Variants in RFTN2 observed in about 807,000 individuals in gnomAD.
RFTN2 encodes raftlin family member 2, also known as raftlin-2.
RFTN2 carries 34 observed loss-of-function variants against 52.7 expected under a neutral mutation model. The observed-to-expected ratio is 0.64, with a 90% CI of 0.49 to 0.86. The LOEUF is 0.86. Ranked by LOEUF, RFTN2 falls within the 40% of genes least tolerant of loss-of-function variation. The pLI, the probability that RFTN2 is intolerant of heterozygous loss-of-function variation, is 0.00. For missense variants in RFTN2, 536 were observed against 600.1 expected (o/e 0.89, Z 1.12); for synonymous variants, 203 against 217.7 (o/e 0.93, Z 0.59).
Position 197,665,517 on chromosome 2 carries a change from C to CTTTTT in RFTN2, c.139+9798_139+9802dup. Reference sequence around the variant, plus strand: ...ATTCCTTTATCATTATGTACCTTGCCTTTTTTTTTTTTTTTTACTGTTTTC... The same window carrying CTTTTT: ...ATTCCTTTATCATTATGTACCTTGCCTTTTTTTTTTTTTTTTTTTTTACTGTTTTC... On this transcript the variant is annotated intron_variant, in intron 1 of 8. Transcript: ENST00000295049. 4.3e-4 allele frequency among the ~76,000 whole-genome samples: 18 copies of CTTTTT among 41,504 alleles called. 1 individual carries two copies. The highest frequency in any genetic ancestry group is 0.031 in the Middle Eastern group (1 of 32). 27.2% of individuals were successfully genotyped at this position (41,504 alleles called of 152,430 possible).
At chr2:197,621,564 T>C (rs1445204678) in intron 5 of RFTN2, among the ~76,000 whole-genome samples, 1 of 152,116 alleles carries the variant, frequency 6.6e-6, no homozygotes, top group Non-Finnish European at 1.5e-5. Flanking sequence ...CTATCTGTTA[T>C]GGTGGTCTGT....
intron 6 of RFTN2, among the ~76,000 whole-genome samples, chr2:197,616,309 A>ATTTTATTTTATTTTATTT (rs1553601950): frequency 2.4e-5 from 3 of 125,088 alleles, no homozygotes; most frequent in South Asian, 2.7e-4. Context: ...ATTTTATTTT[A>ATTTTATTTTATTTTATTT]AAGAGAGGGT....
intron 2 of RFTN2, among the ~76,000 whole-genome samples, 167 bp downstream of exon 2, chr2:197,646,316 G>A (rs746022911): frequency 1.3e-5 from 2 of 152,174 alleles, no homozygotes; most frequent in Non-Finnish European, 2.9e-5. Context: ...TAAGGAAGGA[G>A]GTGTAACATT....
At chr2:197,598,993 C>G (rs1012602414) in intron 7 of RFTN2, among the ~76,000 whole-genome samples, 11 of 151,848 alleles carry the variant, frequency 7.2e-5, no homozygotes, top group Admixed American at 7.2e-4. Context: ...GCTCTGTCGC[C>G]CAGGCTGGAG....
chr2:197,644,279 C>T lies in RFTN2; in HGVS notation c.324-7G>A. 6.6e-7 allele frequency: 1 copy of T among 1,510,644 alleles called. No homozygotes were observed. The highest frequency in any genetic ancestry group is 9.2e-7 in the Non-Finnish European group (1 of 1,085,982). 93.6% of individuals were successfully genotyped at this position (1,510,644 alleles called of 1,614,324 possible). On this transcript the variant is annotated splice_region_variant and splice_polypyrimidine_tract_variant and intron_variant, in intron 2 of 8. Transcript: ENST00000295049. ...TGCTGCCGAATTCTTTGGGCTGTAA[C>T]AGAGGGAATATGTTTATGGTTGGAG... is the stretch of plus-strand genomic sequence containing the variant.
intron 3 of RFTN2, among the ~76,000 whole-genome samples, chr2:197,637,688 A>G (rs1330506074): frequency 6.6e-6 from 1 of 151,674 alleles, no homozygotes; most frequent in African/African-American, 2.4e-5. Flanking sequence ...TCAAAAAACC[A>G]GCTCCTGGAT....
At chr2:197,582,632 T>A (rs181359499) in intron 8 of RFTN2, among the ~76,000 whole-genome samples, 20 of 152,326 alleles carry the variant, frequency 1.3e-4, no homozygotes, top group African/African-American at 4.6e-4. Flanking sequence ...AAAGGGACAA[T>A]GCATCAATAT....
chr2:197,624,945 T>A (rs2088330654), intron 5 of RFTN2, among the ~76,000 whole-genome samples: 1 of 152,034 alleles, frequency 6.6e-6, no homozygotes, highest in African/African-American at 2.4e-5. Context: ...CGAGACTCTA[T>A]CCCCAAAGAG....
intron 7 of RFTN2, among the ~76,000 whole-genome samples, chr2:197,610,506 T>G (rs984366112): frequency 2.6e-5 from 4 of 152,220 alleles, no homozygotes; most frequent in Non-Finnish European, 5.9e-5. Context: ...CTTAAGGAGA[T>G]TTTGGGCTGA....
chr2:197,647,999 T>C (rs2088776755), intron 1 of RFTN2, among the ~76,000 whole-genome samples: 1 of 152,242 alleles, frequency 6.6e-6, no homozygotes, highest in Admixed American at 6.5e-5. Context: ...TACCTAGAAA[T>C]AGACCTGCAT....
At chr2:197,604,734 C>A (rs1370502219) in intron 7 of RFTN2, among the ~76,000 whole-genome samples, 2 of 151,436 alleles carry the variant, frequency 1.3e-5, no homozygotes, top group Non-Finnish European at 2.9e-5. Flanking sequence ...GTGTTTTATG[C>A]ACATTCTATT....
intron 7 of RFTN2, among the ~76,000 whole-genome samples, chr2:197,600,213 G>T (rs1215920667): frequency 6.6e-6 from 1 of 152,098 alleles, no homozygotes; most frequent in Non-Finnish European, 1.5e-5. Flanking sequence ...GCCTTCCAGT[G>T]GCCCTATGGG....
At chr2:197,629,623 T>G (rs1325399938) in intron 5 of RFTN2, among the ~76,000 whole-genome samples, 1 of 151,298 alleles carries the variant, frequency 6.6e-6, no homozygotes, top group Non-Finnish European at 1.5e-5. Context: ...AAAGACCAAG[T>G]GGAAGAGGCT....
At chr2:197,626,074 C>T (rs987483393) in intron 5 of RFTN2, among the ~76,000 whole-genome samples, 28 of 151,940 alleles carry the variant, frequency 1.8e-4, no homozygotes, top group Non-Finnish European at 5.9e-5. Flanking sequence ...CAAGCGTGAG[C>T]CACCGCACCT....
chr2:197,595,948 C>T (rs1385900217), intron 8 of RFTN2, 43 bp downstream of exon 8: 2 of 1,269,012 alleles, frequency 1.6e-6, no homozygotes, highest in Admixed American at 3.5e-5. Context: ...GGATTAAATG[C>T]TTCAATATAA....
At chr2:197,593,264 G>T (rs914972568) in intron 8 of RFTN2, among the ~76,000 whole-genome samples, 2 of 152,098 alleles carry the variant, frequency 1.3e-5, no homozygotes, top group Non-Finnish European at 2.9e-5. Context: ...AAAAGAGCTT[G>T]GTACAGTGGT....
At chr2:197,619,121 T>A (rs567440235) in intron 5 of RFTN2, among the ~76,000 whole-genome samples, 1 of 142,718 alleles carries the variant, frequency 7.0e-6, no homozygotes, top group Non-Finnish European at 1.5e-5. Context: ...AGCCGCCCCG[T>A]CCGGGAGGGA....
At chr2:197,672,135 A>G (rs2089155550) in intron 1 of RFTN2, among the ~76,000 whole-genome samples, 1 of 152,240 alleles carries the variant, frequency 6.6e-6, no homozygotes, top group South Asian at 2.1e-4. Context: ...ACAATAATCC[A>G]GAAAAATATA....
At chr2:197,576,650 G>A (rs2087425104) in intron 8 of RFTN2, among the ~76,000 whole-genome samples, 1 of 152,086 alleles carries the variant, frequency 6.6e-6, no homozygotes, top group Non-Finnish European at 1.5e-5. Flanking sequence ...ATTTTCTACT[G>A]GTTTTTACAG....
Sources: gnomAD v4.1 joint callset for allele counts (sites outside exome capture counted in the v4.1 genomes callset) on GRCh38, gnomAD v4.1.1 for gene constraint, MANE v1.5 for transcripts, NCBI Gene and HGNC (gene_info 2026-07-23, HGNC 2026-07-21) for gene names.